The following LPGAT1 variants were observed in gnomAD, a reference collection of about 807,000 sequenced individuals.
LPGAT1 encodes lysophosphatidylglycerol acyltransferase 1.
A neutral mutation model predicts 47.5 loss-of-function variants in LPGAT1; 11 were observed. The observed-to-expected ratio is 0.23, with a 90% CI of 0.15 to 0.38. The LOEUF (loss-of-function observed/expected upper bound fraction) is 0.38. Ranked by LOEUF, LPGAT1 falls within the 10% of genes least tolerant of loss-of-function variation. LPGAT1 has a pLI of 1.00. For synonymous variants in LPGAT1, 138 were observed against 144.2 expected, an observed-to-expected ratio of 0.96 and a Z score of 0.31; for missense variants, 293 against 439.0, an observed-to-expected ratio of 0.67 and a Z score of 2.97.
intron 4 of LPGAT1, 103 bp from the exon 5 acceptor site, chr1:211,783,605 A>ATTGG: frequency 9.1e-7 from 1 of 1,101,392 alleles, no homozygotes; most frequent in Non-Finnish European, 1.3e-6. Context: ...CCAATCACAG[A>ATTGG]ATAGAATAGT....
chr1:211,754,197 C>T (rs1278447870), intron 6 of LPGAT1, among the ~76,000 whole-genome samples: 2 of 152,120 alleles, frequency 1.3e-5, no homozygotes, highest in African/African-American at 4.8e-5. Context: ...AAAGTAATTA[C>T]CCAGCTGTGG....
At chr1:211,825,190 T>TC (rs1237520719) in intron 2 of LPGAT1, among the ~76,000 whole-genome samples, 3 of 86,142 alleles carry the variant, frequency 3.5e-5, no homozygotes, top group Admixed American at 1.3e-4. Context: ...ACAGTCTTCT[T>TC]TTTTTTTTTT....
chr1:211,778,235 G>A (rs957703507), intron 6 of LPGAT1, among the ~76,000 whole-genome samples: 2 of 151,822 alleles, frequency 1.3e-5, no homozygotes, highest in African/African-American at 4.8e-5. Flanking sequence ...CCAGTTACTC[G>A]GGAGGCTGAG....
chr1:211,814,475 C>A (rs963138293), intron 2 of LPGAT1, among the ~76,000 whole-genome samples: 3 of 151,504 alleles, frequency 2.0e-5, no homozygotes, highest in Non-Finnish European at 2.9e-5. Flanking sequence ...AGGACCAGAT[C>A]CATGGGGGCT....
In LPGAT1 at chr1:211,783,273, T is replaced by A; in HGVS notation, c.683A>T (p.Gln228Leu). Residue 228 changes from glutamine to leucine, a missense_variant, in exon 5 of 8, where the codon CAA (glutamine) becomes CTA (leucine). Physicochemically the swap from Gln to Leu is moderately radical, Grantham distance 113. Transcript: ENST00000366997. ...TKIILNALVA[Q>L]QKNGSPAGGD... The stretch of plus-strand genomic sequence containing the variant: ...TCCTGCTGGACTTCCATTTTTCTGT[T>A]GTGCTACAAGTGCATTCAAAATAAT... The A allele has an allele frequency of 6.2e-7, 1 of 1,613,778 alleles. No individual in the cohort carries two copies. Among genetic ancestry groups the A allele is most frequent in the Admixed American group, 1.7e-5 (1 of 60,026 alleles).
At chr1:211,756,395 A>T (rs1430283582) in intron 6 of LPGAT1, among the ~76,000 whole-genome samples, 1 of 152,184 alleles carries the variant, frequency 6.6e-6, no homozygotes, top group Admixed American at 6.5e-5. Context: ...TAGTGGCATG[A>T]TCACAGCTCA....
intron 2 of LPGAT1, among the ~76,000 whole-genome samples, chr1:211,822,583 C>T (rs1300311619): frequency 6.6e-6 from 1 of 152,016 alleles, no homozygotes; most frequent in Non-Finnish European, 1.5e-5. Flanking sequence ...TCGAGACCAG[C>T]CTGGCAAACA....
intron 2 of LPGAT1, among the ~76,000 whole-genome samples, chr1:211,809,144 G>T (rs1659872782): frequency 6.6e-6 from 1 of 151,832 alleles, no homozygotes; most frequent in South Asian, 2.1e-4. Flanking sequence ...GGTGCAGCTT[G>T]CAGTGAGCCA....
chr1:211,811,870 T>C (rs559906432), intron 2 of LPGAT1, among the ~76,000 whole-genome samples: 3 of 152,180 alleles, frequency 2.0e-5, no homozygotes, highest in South Asian at 4.1e-4. Context: ...ACAAAAAAGA[T>C]GAGATTATCT....
chr1:211,783,243 T>A lies in LPGAT1; in HGVS notation c.713A>T (p.Asp238Val). 6.2e-7 allele frequency: 1 copy of A among 1,610,898 alleles called. No individual in the cohort carries two copies. Among genetic ancestry groups the A allele is most frequent in the African/African-American group, 1.3e-5 (1 of 74,950 alleles). ...QQKNGSPAGG[D>V]AKELDSKSKG... is the part of the protein sequence containing the mutation. ...AACCATCATACCTAATTCTTTAGCATCTCCTCCTGCTGGACTTCCATTTTT... is the reference window on the plus strand; with the variant it reads ...AACCATCATACCTAATTCTTTAGCAACTCCTCCTGCTGGACTTCCATTTTT... The change falls in exon 5 of 8, where the codon GAT becomes GTT. Residue 238 changes from aspartate to valine, a missense_variant. Asp to Val is a radical substitution (Grantham distance 152). Transcript: ENST00000366997.
intron 6 of LPGAT1, among the ~76,000 whole-genome samples, chr1:211,773,127 T>A (rs1269741347): frequency 6.6e-6 from 1 of 152,168 alleles, no homozygotes; most frequent in East Asian, 1.9e-4. Context: ...CATTTTCACC[T>A]TAATAAGTAT....
At chr1:211,769,849 T>C (rs144714863) in intron 6 of LPGAT1, among the ~76,000 whole-genome samples, 5 of 152,294 alleles carry the variant, frequency 3.3e-5, no homozygotes, top group African/African-American at 9.6e-5. Context: ...AAGGTCTCTA[T>C]GACCTGTATC....
chr1:211,824,735 G>A (rs768693898), intron 2 of LPGAT1, among the ~76,000 whole-genome samples: 9 of 152,154 alleles, frequency 5.9e-5, no homozygotes, highest in Non-Finnish European at 1.3e-4. Flanking sequence ...TTCTTAAAAT[G>A]TTCATCTTCA....
chr1:211,775,086 A>C (rs991349033), intron 6 of LPGAT1, among the ~76,000 whole-genome samples: 1 of 152,218 alleles, frequency 6.6e-6, no homozygotes, highest in Non-Finnish European at 1.5e-5. Context: ...AGTGAGGTAC[A>C]GAACAGGTAG....
intron 2 of LPGAT1, among the ~76,000 whole-genome samples, chr1:211,797,343 C>A (rs1251576352): frequency 1.5e-5 from 2 of 136,858 alleles, no homozygotes; most frequent in African/African-American, 2.7e-5. Context: ...GTCAGGAACT[C>A]CTGGGCTGAA....
chr1:211,787,606 G>A (rs755521089), intron 4 of LPGAT1, 26 bp downstream of exon 4: 3 of 1,276,586 alleles, frequency 2.4e-6, no homozygotes, highest in South Asian at 2.6e-5. Context: ...GGCTATCACT[G>A]CGGGGAAAAA....
chr1:211,783,124 T>C (rs1658710152), intron 5 of LPGAT1, 105 bp downstream of exon 5: 2 of 1,107,856 alleles, frequency 1.8e-6, no homozygotes, highest in Non-Finnish European at 1.2e-6. Context: ...CTCCCTATTA[T>C]TTTTAACAAA....
At chr1:211,801,561 A>T (rs12123189) in intron 2 of LPGAT1, among the ~76,000 whole-genome samples, 12,679 of 152,102 alleles carry the variant, frequency 0.083, 642 homozygotes, top group Admixed American at 0.15. Context: ...AAAAATTTTT[A>T]AAAGAACTTA....
intron 3 of LPGAT1, among the ~76,000 whole-genome samples, chr1:211,789,610 G>C (rs1050174739): frequency 6.6e-6 from 1 of 152,102 alleles, no homozygotes; most frequent in Non-Finnish European, 1.5e-5. Flanking sequence ...GGCTGGGCAC[G>C]ATGGCTCACG....
Sources: gnomAD v4.1 joint callset for allele counts (sites outside exome capture counted in the v4.1 genomes callset) on GRCh38, gnomAD v4.1.1 for gene constraint, MANE v1.5 for transcripts, NCBI Gene and HGNC (gene_info 2026-07-23, HGNC 2026-07-21) for gene names.